Variants in CCDC7 observed in about 807,000 individuals in gnomAD.
CCDC7 encodes the protein coiled-coil domain containing 7.
Under a neutral mutation model 196.9 loss-of-function variants are expected in CCDC7, and 183 were observed. The observed-to-expected ratio is 0.93, with a 90% CI of 0.82 to 1.05. The LOEUF is 1.05. Ranked by LOEUF, CCDC7 falls within the 50% of genes least tolerant of loss-of-function variation. CCDC7 has a pLI of 0.00. For missense variants in CCDC7, 1,540 were observed against 1,482.2 expected (o/e 1.04, Z -0.64); for synonymous variants, 525 against 484.6 (o/e 1.08, Z -1.10).
At chr10:32,730,976 TTG>T (rs1210780640) in intron 28 of CCDC7, among the ~76,000 whole-genome samples, 2 of 152,118 alleles carry the variant, frequency 1.3e-5, no homozygotes, top group African/African-American at 2.4e-5. Flanking sequence ...TCATTTTTTA[TTG>T]TGTCATTTAC....
chr10:32,511,274 G>GGT, intron 9 of CCDC7: 1 of 775,022 alleles, frequency 1.3e-6, no homozygotes, highest in Non-Finnish European at 2.0e-6. Flanking sequence ...GGGGGGCGGG[G>GGT]AAATGTACTT....
chr10:32,726,806 T>A, exon 26 of CCDC7: 1 of 1,597,654 alleles, frequency 6.3e-7, no homozygotes, highest in South Asian at 1.1e-5. Flanking sequence ...AAGAAAAAAA[T>A]AACTCCTGGA....
chr10:32,769,897 TTG>T (rs1289706148), intron 28 of CCDC7, among the ~76,000 whole-genome samples: 1 of 152,216 alleles, frequency 6.6e-6, no homozygotes, highest in East Asian at 1.9e-4. Context: ...GCATTTGGGT[TTG>T]TTCCTAGTCT....
At chr10:32,820,820 A>T (rs940586559) in intron 31 of CCDC7, among the ~76,000 whole-genome samples, 30 of 152,320 alleles carry the variant, frequency 2.0e-4, no homozygotes, top group African/African-American at 7.2e-4. Context: ...TTAATTCAAG[A>T]TGGATTAAAG....
At chr10:32,848,634 C>T (rs1415188403) in exon 39 of CCDC7, 4 of 1,516,220 alleles carry the variant, frequency 2.6e-6, no homozygotes, top group South Asian at 2.2e-5. Flanking sequence ...GTCCGTACAA[C>T]GTCAAGAAGG....
chr10:32,450,867 C>T (rs1274800445), upstream of CCDC7, among the ~76,000 whole-genome samples: 3 of 151,980 alleles, frequency 2.0e-5, no homozygotes, highest in South Asian at 4.2e-4. Context: ...TTCTTCAGTC[C>T]GTATATTCCC....
intron 20 of CCDC7, among the ~76,000 whole-genome samples, chr10:32,653,004 C>A (rs1762542): frequency 0.34 from 52,302 of 152,038 alleles, 11,410 homozygotes; most frequent in Non-Finnish European, 0.49. Context: ...GGTAAGTTTT[C>A]TCACCTTTTG....
chr10:32,694,254 C>G (rs995453015), intron 23 of CCDC7, among the ~76,000 whole-genome samples: 2 of 152,074 alleles, frequency 1.3e-5, no homozygotes, highest in South Asian at 2.1e-4. Flanking sequence ...ATTATTTTTT[C>G]TTAAATCTGT....
intron 11 of CCDC7, among the ~76,000 whole-genome samples, chr10:32,536,285 C>T (rs2050487344): frequency 6.6e-6 from 1 of 152,150 alleles, no homozygotes; most frequent in South Asian, 2.1e-4. Context: ...AGAAATTACA[C>T]CAGCCAGGCC....
intron 41 of CCDC7, among the ~76,000 whole-genome samples, chr10:32,859,955 C>T (rs112639388): frequency 0.16 from 23,769 of 152,066 alleles, 2,296 homozygotes; most frequent in African/African-American, 0.25. Context: ...CAGGACCAGA[C>T]GGATTCACAG....
At position 32,810,693 on chromosome 10, in the gene CCDC7, C is replaced by A. The variant is rs562942509; in HGVS notation, c.3098-3677C>A. Among the ~76,000 whole-genome samples, 3 of 152,150 alleles carry A rather than the reference C, an allele frequency of 2.0e-5. No individual in the cohort carries two copies. In the East Asian group the frequency reaches 5.8e-4, roughly 29 times the overall value. On this transcript the variant is annotated intron_variant, in intron 30 of 41. Transcript: ENST00000639629. Reference sequence around the variant, plus strand: ...CTAACAGATAATTACAAAGTATTTTCTTCAGTAACTGCAGAACACACATTC... The same window carrying A: ...CTAACAGATAATTACAAAGTATTTTATTCAGTAACTGCAGAACACACATTC...
chr10:32,729,067 C>A, intron 27 of CCDC7, 70 bp downstream of exon 28: 3 of 1,093,914 alleles, frequency 2.7e-6, no homozygotes, highest in South Asian at 3.1e-5. Context: ...TCCTTTGATT[C>A]GTCAGTGTGT....
chr10:32,587,932 C>T (rs181340047), intron 18 of CCDC7, among the ~76,000 whole-genome samples: 1 of 152,272 alleles, frequency 6.6e-6, no homozygotes, highest in Non-Finnish European at 1.5e-5. Flanking sequence ...CCCATTGTAG[C>T]AGTGTTGACA....
At chr10:32,645,753 G>A (rs2067658765) in intron 20 of CCDC7, among the ~76,000 whole-genome samples, 2 of 151,826 alleles carry the variant, frequency 1.3e-5, no homozygotes, top group Admixed American at 6.6e-5. Flanking sequence ...ATTTCTTCAT[G>A]ATGCAATCTT....
chr10:32,680,560 C>T (rs1007309164), intron 21 of CCDC7, among the ~76,000 whole-genome samples: 4 of 152,104 alleles, frequency 2.6e-5, no homozygotes, highest in African/African-American at 9.7e-5. Context: ...AGCTATTTCT[C>T]CTAATGCTGT....
At chr10:32,841,240 C>A (rs532736766) in intron 33 of CCDC7, among the ~76,000 whole-genome samples, 2 of 151,844 alleles carry the variant, frequency 1.3e-5, no homozygotes, top group African/African-American at 4.8e-5. Flanking sequence ...GATCATATAC[C>A]TAGGAAGCAC....
At chr10:32,799,180 G>C (rs907608889) in intron 29 of CCDC7, among the ~76,000 whole-genome samples, 2 of 152,162 alleles carry the variant, frequency 1.3e-5, no homozygotes, top group African/African-American at 4.8e-5. Context: ...CAAATGTTTA[G>C]TTTCTACCAA....
exon 15 of CCDC7, chr10:32,567,707 T>C (rs1215924904): frequency 1.2e-6 from 2 of 1,613,138 alleles, no homozygotes; most frequent in Admixed American, 1.7e-5. Flanking sequence ...AACTATTTCC[T>C]AAATCAAGAG....
intron 24 of CCDC7, among the ~76,000 whole-genome samples, chr10:32,706,331 G>C (rs2079749000): frequency 6.6e-6 from 1 of 152,060 alleles, no homozygotes; most frequent in Non-Finnish European, 1.5e-5. Flanking sequence ...TATGTAGAGG[G>C]AAATTTATAG....
Sources: gnomAD v4.1 joint callset for allele counts (sites outside exome capture counted in the v4.1 genomes callset) on GRCh38, gnomAD v4.1.1 for gene constraint, MANE v1.5 for transcripts, NCBI Gene and HGNC (gene_info 2026-07-23, HGNC 2026-07-21) for gene names.